Variants in TPR observed in about 807,000 individuals in gnomAD.
TPR encodes nucleoprotein TPR.
A neutral mutation model predicts 316.1 loss-of-function variants in TPR; 51 were observed. That is an observed-to-expected ratio of 0.16 (90% CI 0.13 to 0.20). The LOEUF is 0.20. TPR is among the 10% of genes least tolerant of loss of function. TPR has a pLI of 1.00. For synonymous variants in TPR, 981 were observed against 914.7 expected (o/e 1.07, Z -1.31); for missense variants, 2,272 against 2,754.8 (o/e 0.82, Z 3.92).
chr1:186,315,132 C>G (rs1026033905), intron 49 of TPR, among the ~76,000 whole-genome samples: 2 of 150,374 alleles, frequency 1.3e-5, no homozygotes, highest in African/African-American at 4.9e-5. Flanking sequence ...ATCAAGCTAA[C>G]AGTACTCCAG....
chr1:186,347,472 C>T lies in TPR; in HGVS notation c.2777-14G>A. On this transcript the variant is annotated splice_polypyrimidine_tract_variant and intron_variant, in intron 21 of 50. Coordinates refer to ENST00000367478, the MANE Select transcript of TPR (RefSeq NM_003292.3). ...TGCTAGGCTGACCTAAAAGACATAA[C>T]AGCTCTGTTAAAATTAACATTTTCA... The T allele has an allele frequency of 1.2e-6, 2 of 1,610,644 alleles. No individual in the cohort carries two copies. The highest frequency in any genetic ancestry group is 8.5e-7 in the Non-Finnish European group (1 of 1,178,686).
intron 24 of TPR, among the ~76,000 whole-genome samples, chr1:186,344,930 T>C (rs958382226): frequency 1.3e-5 from 2 of 152,132 alleles, no homozygotes; most frequent in Non-Finnish European, 2.9e-5. Context: ...ACGTCACATA[T>C]ATATAGGCAA....
At chr1:186,372,466 C>T (rs552149479) in intron 2 of TPR, among the ~76,000 whole-genome samples, 135 of 152,000 alleles carry the variant, frequency 8.9e-4, no homozygotes, top group African/African-American at 3.1e-3. Context: ...CGCTTGAACC[C>T]AAGAGGCAGA....
Position 186,313,709 on chromosome 1 carries a change from T to G in TPR, c.*262A>C. ...AATACTATAACATTGATGTGCCTAG[T>G]AGAACAGCAAGAGCAATTACTACTC... is the stretch of plus-strand genomic sequence containing the variant. On this transcript the variant is annotated 3_prime_UTR_variant, in exon 51 of 51. Transcript: ENST00000367478. 6.2e-7 allele frequency: 1 copy of G among 1,608,028 alleles called. No homozygotes were observed. Among genetic ancestry groups the G allele is most frequent in the South Asian group, 1.1e-5 (1 of 90,938 alleles).
In TPR at chr1:186,335,500, T is replaced by C; in HGVS notation, c.4749A>G (p.Gln1583=). The stretch of plus-strand genomic sequence containing the variant: ...TCTGCTGATCTAAGGCTCCATTCCT[T>C]TGTTTAAGCTCCTCATTTTCTTTAG... ...QLTKENEELK[Q]RNGALDQQKD... is the part of the protein sequence containing the mutation. Residue 1583 remains glutamine (Q), a synonymous_variant, in exon 34 of 51, where the codon CAA becomes CAG. Coordinates refer to ENST00000367478, the MANE Select transcript of TPR (RefSeq NM_003292.3). The C allele has an allele frequency of 6.2e-7, 1 of 1,610,804 alleles. No homozygotes were observed. The highest frequency in any genetic ancestry group is 8.5e-7 in the Non-Finnish European group (1 of 1,178,648).
intron 14 of TPR, among the ~76,000 whole-genome samples, chr1:186,356,993 A>G (rs1383014219): frequency 6.6e-6 from 1 of 152,164 alleles, no homozygotes; most frequent in Non-Finnish European, 1.5e-5. Context: ...TTGTTGCTCA[A>G]TTCTTTCCTC....
At chr1:186,351,056 A>G (rs189190617) in intron 20 of TPR, among the ~76,000 whole-genome samples, 159 of 152,326 alleles carry the variant, frequency 1.0e-3, no homozygotes, top group African/African-American at 3.8e-3. Context: ...GCAAAAGTCA[A>G]AAGAATCAAA....
Position 186,372,114 on chromosome 1 carries a change from A to G in TPR, c.257-1071T>C, listed in dbSNP as rs539422880. ...ACGTTTTTAAAATGAGGTGTACCAA[A>G]AGTAGCTGAAAAAAGTTATAACCTA... On this transcript the variant is annotated intron_variant, in intron 2 of 50. Transcript: ENST00000367478. 1.4e-4 allele frequency among the ~76,000 whole-genome samples: 22 copies of G among 152,350 alleles called. 1 individual carries two copies. Among genetic ancestry groups the G allele is most frequent in the Non-Finnish European group, 2.6e-4 (18 of 68,022 alleles).
In TPR at chr1:186,312,788, T is replaced by G; in HGVS notation, c.*1183A>C. ...TTACAGGTGTCCTTCATAATGAAGTTAAAGTGAGTATACTGTGGAGAGGAC... is the reference window on the plus strand; with the variant it reads ...TTACAGGTGTCCTTCATAATGAAGTGAAAGTGAGTATACTGTGGAGAGGAC... On this transcript the variant is annotated 3_prime_UTR_variant, in exon 51 of 51. Coordinates refer to ENST00000367478, the MANE Select transcript of TPR (RefSeq NM_003292.3). 1 of 1,612,968 alleles carries G rather than the reference T, an allele frequency of 6.2e-7. No homozygotes were observed. The highest frequency in any genetic ancestry group is 8.5e-7 in the Non-Finnish European group (1 of 1,178,982).
At position 186,374,978 on chromosome 1, in the gene TPR, C is replaced by T; in HGVS notation, c.51G>A (p.Leu17=). 1 of 1,614,144 alleles carries T rather than the reference C, an allele frequency of 6.2e-7. No individual in the cohort carries two copies. Among genetic ancestry groups the T allele is most frequent in the Non-Finnish European group, 8.5e-7 (1 of 1,180,016 alleles). The part of the protein sequence containing the change: ...QVLERTELNK[L]PKSVQNKLEK... ...CAAGTTTGTTCTGGACAGACTTGGG[C>T]AGCTTGTTCAGCTCCGTGCGCTCCA... Residue 17 remains leucine (L), a synonymous_variant, in exon 1 of 51, where the codon CTG becomes CTA. Coordinates refer to ENST00000367478, the MANE Select transcript of TPR (RefSeq NM_003292.3).
rs1657387209 is a variant in TPR at position 186,312,901 on chromosome 1, T to C, written c.*1070A>G. On this transcript the variant is annotated 3_prime_UTR_variant, in exon 51 of 51. Transcript: ENST00000367478. ...TACTATGCCTTTTCTAAAGGTAAGGTATTAACTAACAGTTTCCCAAGGAGG... is the reference window on the plus strand; with the variant it reads ...TACTATGCCTTTTCTAAAGGTAAGGCATTAACTAACAGTTTCCCAAGGAGG... 1 of 1,610,218 alleles carries C rather than the reference T, an allele frequency of 6.2e-7. No homozygotes were observed. Among genetic ancestry groups the C allele is most frequent in the Non-Finnish European group, 8.5e-7 (1 of 1,176,602 alleles).
intron 13 of TPR, 39 bp downstream of exon 13, chr1:186,358,504 G>T: frequency 6.6e-7 from 1 of 1,522,420 alleles, no homozygotes; most frequent in South Asian, 1.2e-5. Context: ...TGGGCAGTCA[G>T]GTTTTTAAAA....
intron 21 of TPR, among the ~76,000 whole-genome samples, chr1:186,347,907 T>C (rs1571622612): frequency 6.6e-6 from 1 of 152,364 alleles, no homozygotes; most frequent in East Asian, 1.9e-4. Context: ...TTCTTATGCC[T>C]GTCTTTAATC....
rs1659060895 is a variant in TPR, at chr1:186,357,378, G to A, written c.1724+19C>T. On this transcript the variant is annotated intron_variant, in intron 14 of 50. Transcript: ENST00000367478. ...TTCATAAATGTTTGCTCAACAAGCT[G>A]AGGTATGTGACTACTTACTTGGATG... 4 of 1,609,370 alleles carry A rather than the reference G, an allele frequency of 2.5e-6. No homozygotes were observed. The highest frequency in any genetic ancestry group is 1.6e-4 in the Middle Eastern group (1 of 6,074).
rs1658879943 is a variant in TPR, at chr1:186,352,121, G to A, written c.2335-11C>T. On this transcript the variant is annotated splice_polypyrimidine_tract_variant and intron_variant, in intron 18 of 50. Transcript: ENST00000367478. ...ATTTTCTGCTCTTACCTAAACATAA[G>A]TAGAAATGAAATAAAAAATGCTGAA... is the stretch of plus-strand genomic sequence containing the variant. 6.4e-7 allele frequency: 1 copy of A among 1,573,192 alleles called. No individual in the cohort carries two copies. Among genetic ancestry groups the A allele is most frequent in the East Asian group, 2.3e-5 (1 of 44,152 alleles).
At chr1:186,335,913 A>AAAATCAAGTAAGTTGTTGG (rs1658325767) in intron 33 of TPR, among the ~76,000 whole-genome samples, 1 of 152,148 alleles carries the variant, frequency 6.6e-6, no homozygotes, top group South Asian at 2.1e-4. Flanking sequence ...AAGAACTTTT[A>AAAATCAAGTAAGTTGTTGG]AAATCAAGTA....
At chr1:186,316,803 A>C (rs1203390764) in intron 49 of TPR, among the ~76,000 whole-genome samples, 4 of 152,238 alleles carry the variant, frequency 2.6e-5, no homozygotes, top group African/African-American at 4.8e-5. Flanking sequence ...AGTTGCGAGA[A>C]TCAAATAAGG....
intron 9 of TPR, among the ~76,000 whole-genome samples, chr1:186,361,233 A>C (rs768013643): frequency 1.6e-4 from 25 of 152,030 alleles, no homozygotes; most frequent in Non-Finnish European, 1.0e-4. Flanking sequence ...AATATAATAC[A>C]TTGAAAAAAG....
At chr1:186,331,387 T>TATA (rs1658161577) in intron 39 of TPR, 111 bp downstream of exon 39, 2 of 685,790 alleles carry the variant, frequency 2.9e-6, no homozygotes, top group Admixed American at 5.9e-5. Context: ...TTTCATTACA[T>TATA]ATAATAAGAA....
Sources: gnomAD v4.1 joint callset for allele counts (sites outside exome capture counted in the v4.1 genomes callset) on GRCh38, gnomAD v4.1.1 for gene constraint, MANE v1.5 for transcripts, NCBI Gene and HGNC (gene_info 2026-07-23, HGNC 2026-07-21) for gene names.